RNF157: variants seen among roughly 807,000 people sequenced by gnomAD.
RNF157 encodes E3 ubiquitin ligase RNF157.
RNF157 carries 55 observed loss-of-function variants against 88.3 expected under a neutral mutation model. That is an observed-to-expected ratio of 0.62 (90% confidence interval 0.50 to 0.78). The LOEUF (loss-of-function observed/expected upper bound fraction) is 0.78. Ranked by LOEUF, RNF157 falls within the 30% of genes least tolerant of loss-of-function variation. RNF157 has a pLI of 0.00. For missense variants in RNF157, 788 were observed against 860.8 expected, an observed-to-expected ratio of 0.92 and a Z score of 1.06; for synonymous variants, 334 against 341.2, an observed-to-expected ratio of 0.98 and a Z score of 0.23.
chr17:76,174,173 C>A (rs2069066808), intron 2 of RNF157, among the ~76,000 whole-genome samples: 1 of 152,130 alleles, frequency 6.6e-6, no homozygotes, highest in Non-Finnish European at 1.5e-5. Flanking sequence ...CGACAGGGAA[C>A]CAGACCTGCA....
rs532779583 is a variant in RNF157 at position 76,226,861 on chromosome 17, C to G, written c.88+13292G>C. ...GTGCTTAATTCGAAGGTGTCTTTGTCGGTTACAGCAATGCTGCTGCTGAAT... is the reference window on the plus strand; with the variant it reads ...GTGCTTAATTCGAAGGTGTCTTTGTGGGTTACAGCAATGCTGCTGCTGAAT... On this transcript the variant is annotated intron_variant, in intron 1 of 18. Coordinates refer to ENST00000269391, the MANE Select transcript of RNF157 (RefSeq NM_052916.3). 7 of 1,369,380 alleles carry G rather than the reference C, an allele frequency of 5.1e-6. No individual in the cohort carries two copies. The Admixed American group carries it at 1.6e-4, about 31-fold the overall frequency. 84.8% of individuals were successfully genotyped at this position (1,369,380 alleles called of 1,614,324 possible). A position where few individuals can be genotyped will look rare whatever the true frequency, so the allele number is the denominator to read the frequency against.
intron 1 of RNF157, among the ~76,000 whole-genome samples, chr17:76,228,270 C>A (rs2145069118): frequency 6.6e-6 from 1 of 152,250 alleles, no homozygotes; most frequent in East Asian, 1.9e-4. Flanking sequence ...GCGTCTAAAA[C>A]CCTTCCCACA....
chr17:76,182,253 C>T (rs2069200795), intron 2 of RNF157, among the ~76,000 whole-genome samples: 1 of 152,202 alleles, frequency 6.6e-6, no homozygotes, highest in African/African-American at 2.4e-5. Flanking sequence ...CAGGCGTTTG[C>T]TGACGAAGGC....
intron 17 of RNF157, 44 bp from the exon 18 acceptor site, chr17:76,152,509 T>C: frequency 8.7e-7 from 1 of 1,149,930 alleles, no homozygotes; most frequent in Non-Finnish European, 1.3e-6. Flanking sequence ...GGCTGTGTTT[T>C]TCTCTGCGTT....
At chr17:76,207,918 CG>C (rs2069710098) in intron 2 of RNF157, among the ~76,000 whole-genome samples, 1 of 152,130 alleles carries the variant, frequency 6.6e-6, no homozygotes, top group East Asian at 1.9e-4. Context: ...CACTGCCACT[CG>C]TCTACTTTTA....
At chr17:76,232,482 TTATC>T (rs2070210519) in intron 1 of RNF157, among the ~76,000 whole-genome samples, 1 of 152,228 alleles carries the variant, frequency 6.6e-6, no homozygotes, top group South Asian at 2.1e-4. Flanking sequence ...TGGATTTTGT[TTATC>T]CATTCACCAG....
At chr17:76,224,209 A>G (rs1399725096) in intron 1 of RNF157, among the ~76,000 whole-genome samples, 2 of 152,230 alleles carry the variant, frequency 1.3e-5, no homozygotes, top group Non-Finnish European at 2.9e-5. Context: ...ATTGTATTAA[A>G]TAATTTGCCT....
intron 2 of RNF157, among the ~76,000 whole-genome samples, chr17:76,179,586 G>T (rs573999570): frequency 3.3e-5 from 5 of 151,970 alleles, no homozygotes; most frequent in Non-Finnish European, 5.9e-5. Context: ...CCAGCTACTA[G>T]GGAGGCTGAG....
chr17:76,176,867 G>A lies in RNF157; in HGVS notation c.208-3077C>T, dbSNP rs183487584. On this transcript the variant is annotated intron_variant, in intron 2 of 18. Coordinates refer to ENST00000269391, the MANE Select transcript of RNF157 (RefSeq NM_052916.3). This position sits in a 1 kb window ranked among gnomAD's most constrained non-coding sequence, Gnocchi z 4.2. ...AGGAAGTGGGAGCAGCTTCCGCTTC[G>A]GGCACCTGGCCATTGGCGCAGCCAC... Among the ~76,000 whole-genome samples the A allele has an allele frequency of 7.9e-5, 12 of 152,308 alleles. No individual in the cohort carries two copies. The highest frequency in any genetic ancestry group is 1.9e-4 in the East Asian group (1 of 5,166).
chr17:76,187,270 G>A lies in RNF157; in HGVS notation c.208-13480C>T, dbSNP rs182471307. Among the ~76,000 whole-genome samples, 1,101 of 148,828 alleles carry A rather than the reference G, an allele frequency of 7.4e-3. 13 individuals are homozygous for A. The highest frequency in any genetic ancestry group is 0.026 in the African/African-American group (1,043 of 40,480). On this transcript the variant is annotated intron_variant, in intron 2 of 18. Transcript: ENST00000269391. Reference sequence around the variant, plus strand: ...GCGATCTCGGCTCACCACAACCTCCGCCTCCCAGGTTCAAGCCATTCTCCT... The same window carrying A: ...GCGATCTCGGCTCACCACAACCTCCACCTCCCAGGTTCAAGCCATTCTCCT...
At position 76,143,770 on chromosome 17, in the gene RNF157, T is replaced by G. The variant is rs1294772482; in HGVS notation, c.*1465A>C. ...TTGGAAACAGCCTTGAATTTTTTTT[T>G]TTTTGTTTGAGACAGAGTTTCGATC... On this transcript the variant is annotated 3_prime_UTR_variant, in exon 19 of 19. Coordinates refer to ENST00000269391, the MANE Select transcript of RNF157 (RefSeq NM_052916.3). The G allele has an allele frequency of 6.6e-6, 1 of 152,118 alleles. No homozygotes were observed. Among genetic ancestry groups the G allele is most frequent in the Non-Finnish European group, 1.5e-5 (1 of 68,038 alleles). The allele number at this position is 152,118 out of a possible 1,614,324, so 9.4% of individuals were successfully genotyped here.
At chr17:76,199,720 C>T (rs888464394) in intron 2 of RNF157, among the ~76,000 whole-genome samples, 4 of 152,034 alleles carry the variant, frequency 2.6e-5, no homozygotes, top group South Asian at 4.2e-4. Flanking sequence ...TGACGCAGCT[C>T]GCTGGTCTCC....
chr17:76,166,079 A>G (rs1186203508), intron 6 of RNF157, among the ~76,000 whole-genome samples: 3 of 152,108 alleles, frequency 2.0e-5, no homozygotes, highest in African/African-American at 7.2e-5. Flanking sequence ...GGTTCAAACG[A>G]TTCTGCTGCC....
intron 2 of RNF157, among the ~76,000 whole-genome samples, chr17:76,199,570 TAA>T (rs34151599): frequency 0.053 from 5,933 of 110,950 alleles, 383 homozygotes; most frequent in African/African-American, 0.17. Flanking sequence ...AGCTGAAAGT[TAA>T]AAAAAAAAAA....
At chr17:76,207,487 C>G (rs1485131189) in intron 2 of RNF157, among the ~76,000 whole-genome samples, 1 of 151,748 alleles carries the variant, frequency 6.6e-6, no homozygotes, top group Non-Finnish European at 1.5e-5. Context: ...GTGCGAAGTA[C>G]AGCTCAGTCA....
chr17:76,172,529 T>TGCAGTGAGCCGAGATC (rs1021278098), intron 3 of RNF157, among the ~76,000 whole-genome samples: 1 of 142,730 alleles, frequency 7.0e-6, no homozygotes, highest in Non-Finnish European at 1.5e-5. Context: ...AGGTGGAGGT[T>TGCAGTGAGCCGAGATC]GCAGTGAGCC....
intron 2 of RNF157, among the ~76,000 whole-genome samples, chr17:76,178,784 A>G (rs965516551): frequency 3.9e-5 from 6 of 152,112 alleles, no homozygotes; most frequent in Non-Finnish European, 5.9e-5. Flanking sequence ...AAACTTCTCT[A>G]AAGTCCCCCA....
intron 2 of RNF157, among the ~76,000 whole-genome samples, chr17:76,177,613 G>A (rs889937478): frequency 5.3e-5 from 8 of 151,814 alleles, no homozygotes; most frequent in Non-Finnish European, 8.8e-5. Context: ...TGCCAGTCCC[G>A]CCCACTGGAG....
chr17:76,155,077 G>A (rs1413262357), intron 16 of RNF157, among the ~76,000 whole-genome samples, 175 bp downstream of exon 16: 1 of 152,166 alleles, frequency 6.6e-6, no homozygotes, highest in Non-Finnish European at 1.5e-5. Flanking sequence ...CCACAGGCCC[G>A]GGAGCAGCTG....
Sources: allele counts gnomAD v4.1 joint callset (sites outside exome capture counted in the v4.1 genomes callset), GRCh38; gene constraint gnomAD v4.1.1; non-coding constraint Gnocchi (gnomAD v3.1); transcripts MANE v1.5; gene names NCBI Gene and HGNC (gene_info 2026-07-23, HGNC 2026-07-21).